Variants in RBFOX2 observed in about 807,000 individuals in gnomAD.
RBFOX2 encodes the protein RNA binding fox-1 homolog 2.
A neutral mutation model predicts 49.1 loss-of-function variants in RBFOX2; 10 were observed. That is an observed-to-expected ratio of 0.20 (90% confidence interval 0.13 to 0.35). RBFOX2 has a LOEUF of 0.35. Ranked by LOEUF, RBFOX2 falls within the 10% of genes least tolerant of loss-of-function variation. The pLI, the probability that RBFOX2 is intolerant of heterozygous loss-of-function variation, is 1.00. For synonymous variants in RBFOX2, 183 were observed against 187.4 expected, an observed-to-expected ratio of 0.98 and a Z score of 0.19; for missense variants, 323 against 486.9, an observed-to-expected ratio of 0.66 and a Z score of 3.17.
chr22:35,850,203 C>CACACACACAA (rs2041770032), intron 1 of RBFOX2, among the ~76,000 whole-genome samples: 1 of 149,356 alleles, frequency 6.7e-6, no homozygotes, highest in African/African-American at 2.5e-5. Context: ...TACACACACA[C>CACACACACAA]ACACACACAC....
chr22:35,777,650 T>G (rs926366037), intron 4 of RBFOX2: 1 of 188,516 alleles, frequency 5.3e-6, no homozygotes, highest in Admixed American at 5.5e-5. Flanking sequence ...ATTGTTCTGA[T>G]AGAATTCAGA....
At chr22:35,819,370 T>C (rs1953936948) in intron 1 of RBFOX2, among the ~76,000 whole-genome samples, 1 of 152,158 alleles carries the variant, frequency 6.6e-6, no homozygotes, top group Non-Finnish European at 1.5e-5. Flanking sequence ...AAAAGAAAAA[T>C]GAGCCATTGC....
intron 4 of RBFOX2, among the ~76,000 whole-genome samples, chr22:35,774,897 T>C (rs1290730927): frequency 6.6e-6 from 1 of 152,196 alleles, no homozygotes; most frequent in African/African-American, 2.4e-5. Flanking sequence ...CTGTTTTACA[T>C]TAAGTATTGC....
At chr22:35,858,277 T>C (rs1335158205) in intron 1 of RBFOX2, among the ~76,000 whole-genome samples, 2 of 152,206 alleles carry the variant, frequency 1.3e-5, no homozygotes, top group Non-Finnish European at 2.9e-5. Context: ...TTTTACTTTA[T>C]TTTGTTTGGT....
At chr22:35,963,758 G>A (rs1247713809), upstream of RBFOX2, among the ~76,000 whole-genome samples, 1 of 152,062 alleles carries the variant, frequency 6.6e-6, no homozygotes, top group Non-Finnish European at 1.5e-5. Context: ...TGTTGTTGTT[G>A]TTTTTGCAAT....
intron 1 of RBFOX2, among the ~76,000 whole-genome samples, chr22:36,018,614 CT>C (rs1384298453): frequency 1.3e-5 from 2 of 151,932 alleles, no homozygotes; most frequent in Admixed American, 1.3e-4. Flanking sequence ...AACAAATTGA[CT>C]CTTTTGTTTT....
At chr22:35,980,977 C>T (rs1356281833) in intron 1 of RBFOX2, among the ~76,000 whole-genome samples, 1 of 151,864 alleles carries the variant, frequency 6.6e-6, no homozygotes, top group Non-Finnish European at 1.5e-5. Context: ...AAAAGAGATA[C>T]AAGAAAAATG....
chr22:35,879,541 T>C (rs1001791817), intron 1 of RBFOX2, among the ~76,000 whole-genome samples: 1 of 152,196 alleles, frequency 6.6e-6, no homozygotes, highest in Non-Finnish European at 1.5e-5. Flanking sequence ...ATGGAACAGC[T>C]GTACAAAGTG....
chr22:35,886,799 C>CAT (rs781363775), intron 1 of RBFOX2, among the ~76,000 whole-genome samples: 11 of 152,148 alleles, frequency 7.2e-5, no homozygotes, highest in Admixed American at 2.6e-4. Context: ...TGATGCAGTT[C>CAT]ATAGCTACCT....
intron 4 of RBFOX2, among the ~76,000 whole-genome samples, chr22:35,774,734 C>T (rs977393542): frequency 6.6e-6 from 1 of 152,096 alleles, no homozygotes; most frequent in Non-Finnish European, 1.5e-5. Context: ...AAGAAGAATA[C>T]TGGCAGACAA....
At chr22:35,748,846 A>C (rs932815368) in intron 9 of RBFOX2, among the ~76,000 whole-genome samples, 2 of 152,272 alleles carry the variant, frequency 1.3e-5, no homozygotes, top group African/African-American at 4.8e-5. Flanking sequence ...GAGGTTCAAA[A>C]GTACTCAACC....
At chr22:35,848,949 C>T (rs1166012894) in intron 1 of RBFOX2, among the ~76,000 whole-genome samples, 4 of 152,096 alleles carry the variant, frequency 2.6e-5, no homozygotes, top group Non-Finnish European at 5.9e-5. Flanking sequence ...GAACCAGAAT[C>T]CAGGACTCCT....
chr22:35,850,143 G>A (rs190704649), intron 1 of RBFOX2, among the ~76,000 whole-genome samples: 3 of 151,482 alleles, frequency 2.0e-5, no homozygotes, highest in African/African-American at 7.3e-5. Flanking sequence ...TTTCTTGGGC[G>A]GGGAGCATGT....
intron 1 of RBFOX2, among the ~76,000 whole-genome samples, chr22:35,884,141 C>G (rs1035338884): frequency 1.3e-5 from 2 of 151,320 alleles, no homozygotes; most frequent in African/African-American, 4.9e-5. Flanking sequence ...GGACTACAGG[C>G]ACGCACCACC....
intron 2 of RBFOX2, among the ~76,000 whole-genome samples, chr22:35,800,159 G>C (rs187612286): frequency 6.6e-6 from 1 of 152,224 alleles, no homozygotes; most frequent in East Asian, 1.9e-4. Flanking sequence ...CACAATCTTT[G>C]TGCTACCTCT....
In RBFOX2 at chr22:35,914,010, G is replaced by A. The variant is rs372561462; in HGVS notation, c.-34+24837C>T. On this transcript the variant is annotated intron_variant, in intron 1 of 13. Transcript: ENST00000359369. ...GCTCTAGTAGCGGGGCTGTGAAAGA[G>A]GAGACAGTAATGTTTGGTCCTCCTA... is the stretch of plus-strand genomic sequence containing the variant. Among the ~76,000 whole-genome samples, 28 of 152,154 alleles carry A rather than the reference G, an allele frequency of 1.8e-4. No homozygotes were observed. The East Asian group carries it at 2.3e-3, about 13-fold the overall frequency.
chr22:35,749,920 G>A lies in RBFOX2; in HGVS notation c.888-3359C>T, dbSNP rs907800463. Among the ~76,000 whole-genome samples the A allele has an allele frequency of 6.6e-6, 1 of 152,112 alleles. No homozygotes were observed. The highest frequency in any genetic ancestry group is 2.4e-5 in the African/African-American group (1 of 41,424). The stretch of plus-strand genomic sequence containing the variant: ...CAGCAAAATCACCACGTTCAGACTC[G>A]TATTGGCTAACTCTATCTATCCCAG... On this transcript the variant is annotated intron_variant, in intron 9 of 11. Transcript: ENST00000405409. This position sits in a 1 kb window ranked among gnomAD's most constrained non-coding sequence, Gnocchi z 4.1.
chr22:35,969,712 G>A (rs1215205205), intron 1 of RBFOX2, among the ~76,000 whole-genome samples: 1 of 152,174 alleles, frequency 6.6e-6, no homozygotes, highest in African/African-American at 2.4e-5. Flanking sequence ...GGACAAGGAT[G>A]ACAATAAAAA....
At chr22:35,785,980 C>G (rs966769826) in intron 2 of RBFOX2, among the ~76,000 whole-genome samples, 4 of 152,204 alleles carry the variant, frequency 2.6e-5, no homozygotes, top group African/African-American at 9.6e-5. Flanking sequence ...AGTTGGATCA[C>G]ATGAAACTTT....
Sources: allele counts gnomAD v4.1 joint callset (sites outside exome capture counted in the v4.1 genomes callset), GRCh38; gene constraint gnomAD v4.1.1; non-coding constraint Gnocchi (gnomAD v3.1); transcripts MANE v1.5; gene names NCBI Gene and HGNC (gene_info 2026-07-23, HGNC 2026-07-21).